CELF2: variants seen among roughly 807,000 people sequenced by gnomAD.
CELF2 encodes CUGBP Elav-like family member 2.
In CELF2, 8 loss-of-function variants were observed where a neutral mutation model predicts 62.6. That is an observed-to-expected ratio of 0.13 (90% CI 0.07 to 0.23). The LOEUF is 0.23. Ranked by LOEUF, CELF2 falls within the 10% of genes least tolerant of loss-of-function variation. CELF2 has a pLI of 1.00. For missense variants in CELF2, 333 were observed against 671.0 expected (o/e 0.50, Z 5.56); for synonymous variants, 258 against 250.0 (o/e 1.03, Z -0.30).
chr10:11,132,828 A>C (rs1457937114), intron 1 of CELF2, among the ~76,000 whole-genome samples: 1 of 152,228 alleles, frequency 6.6e-6, no homozygotes, highest in African/African-American at 2.4e-5. Flanking sequence ...TGATGCACCC[A>C]AAATATTAGT....
At chr10:10,984,491 C>G (rs1258427703) in intron 2 of CELF2, among the ~76,000 whole-genome samples, 1 of 152,298 alleles carries the variant, frequency 6.6e-6, no homozygotes, top group East Asian at 1.9e-4. Context: ...GATTCTGACT[C>G]TAATGATATT....
At chr10:10,697,944 C>A in the CELF2 span, among the ~76,000 whole-genome samples, 1 of 152,120 alleles carries the variant, frequency 6.6e-6, no homozygotes, top group Non-Finnish European at 1.5e-5. Context: ...AGGCATGTGC[C>A]ACTACTCCCA....
the CELF2 span, among the ~76,000 whole-genome samples, chr10:10,618,780 G>T: frequency 2.0e-5 from 3 of 152,084 alleles, no homozygotes; most frequent in Non-Finnish European, 4.4e-5. Context: ...GTAGAGGTTT[G>T]ATAGGCAAGA....
At chr10:11,018,811 CTTACCAAA>C (rs1262520952) in intron 1 of CELF2, 1 of 152,238 alleles carries the variant, frequency 6.6e-6, no homozygotes, top group Admixed American at 6.5e-5. Flanking sequence ...AAGAGCTCTT[CTTACCAAA>C]TTACCCGCTC....
At chr10:10,644,768 C>T in the CELF2 span, among the ~76,000 whole-genome samples, 6 of 152,190 alleles carry the variant, frequency 3.9e-5, no homozygotes, top group African/African-American at 1.4e-4. Flanking sequence ...ACGTCCTGGG[C>T]TTCCTTGCAC....
At chr10:11,107,000 C>A (rs556833482) in intron 1 of CELF2, among the ~76,000 whole-genome samples, 2 of 152,344 alleles carry the variant, frequency 1.3e-5, no homozygotes, top group South Asian at 4.1e-4. Context: ...CAGCAGATTG[C>A]AGAGGGAGCC....
Position 11,300,384 on chromosome 10 carries a change from G to C in CELF2, c.976+11832G>C, listed in dbSNP as rs1327695403. ...TCTTGCCCAGCACTGCACCAAGCCA[G>C]GTGGCATCAGCTTCCTTGGGAAGCA... On this transcript the variant is annotated intron_variant, in intron 9 of 12. Transcript: ENST00000633077. This position sits in a 1 kb window ranked among gnomAD's most constrained non-coding sequence, Gnocchi z 5.5. Among the ~76,000 whole-genome samples, 1 of 152,190 alleles carries C rather than the reference G, an allele frequency of 6.6e-6. No homozygotes were observed. Among genetic ancestry groups the C allele is most frequent in the Non-Finnish European group, 1.5e-5 (1 of 68,042 alleles).
chr10:11,052,791 G>C (rs2140120819), intron 1 of CELF2, among the ~76,000 whole-genome samples: 1 of 152,312 alleles, frequency 6.6e-6, no homozygotes, highest in Non-Finnish European at 1.5e-5. Context: ...GGAATGTACA[G>C]GATGATACCA....
chr10:11,304,824 C>T (rs1272367812), intron 9 of CELF2, among the ~76,000 whole-genome samples: 1 of 152,180 alleles, frequency 6.6e-6, no homozygotes, highest in African/African-American at 2.4e-5. Context: ...TTTCTCTTTG[C>T]CATGTAACCT....
the CELF2 span, among the ~76,000 whole-genome samples, chr10:10,682,513 C>T: frequency 5.3e-5 from 8 of 152,204 alleles, no homozygotes; most frequent in African/African-American, 1.2e-4. Flanking sequence ...TTGCTTCTTG[C>T]GCAGACTGAA....
chr10:10,665,587 G>A, the CELF2 span, among the ~76,000 whole-genome samples: 8 of 152,248 alleles, frequency 5.3e-5, no homozygotes, highest in African/African-American at 1.4e-4. Context: ...TATTTCGTAA[G>A]TATCCATTTT....
At chr10:10,488,900 C>G in the CELF2 span, among the ~76,000 whole-genome samples, 1 of 151,992 alleles carries the variant, frequency 6.6e-6, no homozygotes, top group Non-Finnish European at 1.5e-5. Context: ...CTCCAAAATC[C>G]CCAACAGAGA....
chr10:10,536,222 G>A, the CELF2 span, among the ~76,000 whole-genome samples: 1 of 152,182 alleles, frequency 6.6e-6, no homozygotes. Flanking sequence ...GTTTCATCAT[G>A]TTGGTCAGGA....
chr10:11,125,758 T>C (rs543803171), intron 1 of CELF2, among the ~76,000 whole-genome samples: 1 of 152,324 alleles, frequency 6.6e-6, no homozygotes, highest in Admixed American at 6.5e-5. Flanking sequence ...ACTGCCCCCA[T>C]TAAAGTGTCT....
At chr10:11,199,318 C>G (rs564009940) in intron 2 of CELF2, among the ~76,000 whole-genome samples, 2 of 152,304 alleles carry the variant, frequency 1.3e-5, no homozygotes, top group African/African-American at 2.4e-5. Context: ...CTTTTCCCCC[C>G]TCTTGAACAT....
Position 10,995,759 on chromosome 10 carries a change from A to G in CELF2, c.89+75760A>G, listed in dbSNP as rs776002978. ...GAGACTAGGGACAGGGAGATTCCTT[A>G]TGAGGTCTGATGGCCTCAACTAACG... On this transcript the variant is annotated intron_variant, in intron 2 of 13. Coordinates refer to the CELF2 transcript ENST00000636488. This position sits in a 1 kb window ranked among gnomAD's most constrained non-coding sequence, Gnocchi z 4.7. Among the ~76,000 whole-genome samples the G allele has an allele frequency of 6.6e-6, 1 of 152,212 alleles. No homozygotes were observed. The highest frequency in any genetic ancestry group is 1.5e-5 in the Non-Finnish European group (1 of 68,022).
intron 1 of CELF2, among the ~76,000 whole-genome samples, chr10:11,103,269 T>C (rs2052317409): frequency 6.6e-6 from 1 of 152,128 alleles, no homozygotes; most frequent in African/African-American, 2.4e-5. Flanking sequence ...AGAGCTTCTG[T>C]TCGTCATTCA....
chr10:10,562,351 T>A, the CELF2 span, among the ~76,000 whole-genome samples: 1 of 152,242 alleles, frequency 6.6e-6, no homozygotes, highest in African/African-American at 2.4e-5. Flanking sequence ...GCACAATTAG[T>A]GATGAATAAT....
the CELF2 span, among the ~76,000 whole-genome samples, chr10:10,695,598 G>C: frequency 3.3e-5 from 5 of 151,792 alleles, no homozygotes; most frequent in African/African-American, 1.2e-4. Flanking sequence ...ATCCTGCAGA[G>C]TGTTTTCCAA....
Sources: gnomAD v4.1 joint callset for allele counts (sites outside exome capture counted in the v4.1 genomes callset) on GRCh38, gnomAD v4.1.1 for gene constraint, Gnocchi (gnomAD v3.1) non-coding constraint, MANE v1.5 for transcripts, NCBI Gene and HGNC (gene_info 2026-07-23, HGNC 2026-07-21) for gene names.